DMD: variants seen among roughly 807,000 people sequenced by gnomAD.
DMD encodes the protein dystrophin.
Under a neutral mutation model 330.1 loss-of-function variants are expected in DMD, and 63 were observed. That is an observed-to-expected ratio of 0.19 (90% confidence interval 0.16 to 0.24). The LOEUF (loss-of-function observed/expected upper bound fraction) is 0.24. Ranked by LOEUF, DMD falls within the 10% of genes least tolerant of loss-of-function variation. The pLI is 1.00. For synonymous variants in DMD, 1,223 were observed against 959.8 expected (o/e 1.27, Z -5.07); for missense variants, 3,344 against 2,684.1 (o/e 1.25, Z -5.43).
chrX:31,814,793 T>A (rs1450589076), intron 50 of DMD, among the ~76,000 whole-genome samples: 1 of 111,913 alleles, frequency 8.9e-6, no homozygotes, highest in Non-Finnish European at 1.9e-5. Context: ...TTCAGACCCA[T>A]GCAAAGTCCT....
Position 31,819,984 on chromosome X carries a change from T to C in DMD, c.7300A>G (p.Ile2434Val), listed in dbSNP as rs895117941. The C allele has an allele frequency of 3.3e-6, 4 of 1,208,132 alleles. No individual in the cohort carries two copies. The highest frequency in any genetic ancestry group is 4.5e-6 in the Non-Finnish European group (4 of 891,954). ...QPDLAPGLTTIGASPTQTVTL... is the reference protein window; with the variant it reads ...QPDLAPGLTTVGASPTQTVTL... Reference sequence around the variant, plus strand: ...GATCCAGTATACTTACAGGCTCCAATAGTGGTCAGTCCAGGAGCTAGGTCA... The same window carrying C: ...GATCCAGTATACTTACAGGCTCCAACAGTGGTCAGTCCAGGAGCTAGGTCA... Residue 2434 changes from isoleucine to valine, a missense_variant, in exon 50 of 79, where the codon ATT (isoleucine) becomes GTT (valine). Transcript: ENST00000357033.
chrX:32,248,056 A>G (rs943497210), intron 43 of DMD, among the ~76,000 whole-genome samples: 2 of 111,580 alleles, frequency 1.8e-5, no homozygotes, highest in Non-Finnish European at 3.8e-5. Context: ...TTATGAAGAG[A>G]AAGAGGTTAT....
At chrX:32,828,213 C>A (rs189001951) in intron 4 of DMD, among the ~76,000 whole-genome samples, 68 of 111,387 alleles carry the variant, frequency 6.1e-4, no homozygotes, top group Non-Finnish European at 1.0e-3. Context: ...TATCGTAGAA[C>A]AATTTATATT....
intron 49 of DMD, among the ~76,000 whole-genome samples, chrX:31,828,813 A>G (rs1322842895): frequency 9.0e-6 from 1 of 111,653 alleles, no homozygotes; most frequent in Non-Finnish European, 1.9e-5. Flanking sequence ...AAGAATTGGT[A>G]CCAATTATAA....
At chrX:32,450,688 C>T (rs1197025135) in intron 26 of DMD, among the ~76,000 whole-genome samples, 1 of 110,641 alleles carries the variant, frequency 9.0e-6, no homozygotes, top group Non-Finnish European at 1.9e-5. Context: ...CTCTCTTTCT[C>T]ATAGTTTCTG....
chrX:32,252,162 G>A (rs923892126), intron 43 of DMD, among the ~76,000 whole-genome samples: 1 of 111,010 alleles, frequency 9.0e-6, no homozygotes, highest in African/African-American at 3.3e-5. Flanking sequence ...CCATACACAA[G>A]GGCTTTCTTT....
intron 60 of DMD, among the ~76,000 whole-genome samples, chrX:31,384,233 G>A (rs920544709): frequency 5.4e-5 from 6 of 111,217 alleles, no homozygotes; most frequent in African/African-American, 2.0e-4. Context: ...AGCCAGTGGA[G>A]TCTGCCCCTG....
At chrX:31,493,529 G>C in intron 57 of DMD, among the ~76,000 whole-genome samples, 1 of 111,586 alleles carries the variant, frequency 9.0e-6, no homozygotes. Flanking sequence ...CACATAAGAG[G>C]GACACGCAGA....
At chrX:32,465,871 A>C (rs1043290209) in intron 23 of DMD, among the ~76,000 whole-genome samples, 1 of 111,040 alleles carries the variant, frequency 9.0e-6, no homozygotes, top group Non-Finnish European at 1.9e-5. Context: ...GGCATGAGCC[A>C]CTACGCCTGG....
chrX:32,449,310 C>A (rs1338355718), intron 26 of DMD, among the ~76,000 whole-genome samples: 2 of 110,527 alleles, frequency 1.8e-5, no homozygotes, highest in Non-Finnish European at 3.8e-5. Flanking sequence ...TGGATCAAGA[C>A]CATGACAAGA....
chrX:32,134,174 A>G (rs2096713249), intron 44 of DMD, among the ~76,000 whole-genome samples: 1 of 111,337 alleles, frequency 9.0e-6, no homozygotes, highest in South Asian at 4.0e-4. Flanking sequence ...ACTATACAAT[A>G]TACTTATCGT....
chrX:32,105,018 A>G (rs956750185), intron 44 of DMD, among the ~76,000 whole-genome samples: 1 of 112,299 alleles, frequency 8.9e-6, no homozygotes, highest in Non-Finnish European at 1.9e-5. Flanking sequence ...ATGGATTTAC[A>G]TTCTAGGGGA....
Position 32,809,518 on chromosome X carries a change from G to A in DMD, c.624C>T (p.Gly208=), listed in dbSNP as rs768761464. ...HAFNIARYQL[G]IEKLLDPEDV... is the part of the protein sequence containing the mutation. ...CTTCAGGATCGAGTAGTTTCTCTAT[G>A]CCTAATTGATATCTGGCGATGTTGA... The change falls in exon 7 of 79, where the codon GGC becomes GGT. Residue 208 remains glycine, a synonymous_variant. Coordinates refer to ENST00000357033, the MANE Select transcript of DMD (RefSeq NM_004006.3). 8.3e-7 allele frequency: 1 copy of A among 1,210,314 alleles called. No individual in the cohort carries two copies. Among genetic ancestry groups the A allele is most frequent in the South Asian group, 1.8e-5 (1 of 56,974 alleles).
At chrX:32,686,559 C>CAAAAAAAAAAAAAAAAAAAAAAAA (rs750534167) in intron 9 of DMD, among the ~76,000 whole-genome samples, 29 of 28,535 alleles carry the variant, frequency 1.0e-3, no homozygotes, top group Middle Eastern at 0.043. Context: ...AACTCCATCT[C>CAAAAAAAAAAAAAAAAAAAAAAAA]AAAAAAAAAA....
At chrX:31,702,567 C>G (rs2083888157) in intron 52 of DMD, among the ~76,000 whole-genome samples, 1 of 111,658 alleles carries the variant, frequency 9.0e-6, no homozygotes, top group Non-Finnish European at 1.9e-5. Context: ...TATCATTCAT[C>G]TCTCTCTTCC....
At chrX:31,691,535 C>T (rs1326594901) in intron 52 of DMD, among the ~76,000 whole-genome samples, 1 of 111,664 alleles carries the variant, frequency 9.0e-6, no homozygotes, top group Non-Finnish European at 1.9e-5. Context: ...CAAATATGTG[C>T]TGCCTACAAG....
chrX:32,021,557 G>T (rs1391628797), intron 44 of DMD, among the ~76,000 whole-genome samples: 1 of 111,812 alleles, frequency 8.9e-6, no homozygotes, highest in African/African-American at 3.2e-5. Context: ...TTAAACCTGT[G>T]CTGTCCAACA....
intron 60 of DMD, among the ~76,000 whole-genome samples, chrX:31,353,347 G>C (rs2058519745): frequency 9.0e-6 from 1 of 111,673 alleles, no homozygotes; most frequent in Admixed American, 9.6e-5. Context: ...TTAGAGGAAA[G>C]TTAGGGTTTG....
chrX:31,948,723 T>C (rs940499461), intron 45 of DMD, among the ~76,000 whole-genome samples: 2 of 111,206 alleles, frequency 1.8e-5, no homozygotes, highest in African/African-American at 6.5e-5. Context: ...AAAAATCAAG[T>C]TATTTGCCTT....
Sources: allele counts gnomAD v4.1 joint callset (sites outside exome capture counted in the v4.1 genomes callset), GRCh38; gene constraint gnomAD v4.1.1; transcripts MANE v1.5; gene names NCBI Gene and HGNC (gene_info 2026-07-23, HGNC 2026-07-21).